ARL15: variants seen among roughly 807,000 people sequenced by gnomAD.
ARL15 encodes ARF like GTPase 15, also known as ADP-ribosylation factor-like protein 15.
ARL15 carries 19 observed loss-of-function variants against 25.2 expected under a neutral mutation model. The ratio of observed to expected loss-of-function variants is 0.75; its 90% CI spans 0.53 to 1.10. ARL15 has a LOEUF of 1.10. ARL15 is among the 50% of genes least tolerant of loss of function. The pLI is 0.00. For missense variants in ARL15, 220 were observed against 246.0 expected (o/e 0.89, Z 0.71); for synonymous variants, 94 against 86.8 (o/e 1.08, Z -0.46).
intron 4 of ARL15, among the ~76,000 whole-genome samples, chr5:53,892,666 A>G (rs1221143441): frequency 6.6e-6 from 1 of 151,766 alleles, no homozygotes; most frequent in African/African-American, 2.4e-5. Context: ...GCTGTGGCAC[A>G]ATCATAGCTC....
intron 1 of ARL15, among the ~76,000 whole-genome samples, chr5:54,276,073 G>A (rs1238349314): frequency 1.3e-5 from 2 of 152,006 alleles, no homozygotes; most frequent in Non-Finnish European, 2.9e-5. Flanking sequence ...ATTTTTATAT[G>A]AGAAACTTAT....
intron 4 of ARL15, among the ~76,000 whole-genome samples, chr5:54,093,728 T>C (rs1296522071): frequency 2.0e-5 from 3 of 151,668 alleles, no homozygotes; most frequent in Non-Finnish European, 2.9e-5. Context: ...ATCTGGGTTA[T>C]TAAACTTTTT....
At chr5:54,212,471 C>T (rs908566310) in intron 1 of ARL15, among the ~76,000 whole-genome samples, 11 of 152,026 alleles carry the variant, frequency 7.2e-5, no homozygotes, top group African/African-American at 2.2e-4. Flanking sequence ...TAGTCAGAAC[C>T]GAGCAACACA....
intron 4 of ARL15, among the ~76,000 whole-genome samples, chr5:54,081,215 T>C (rs1347591655): frequency 6.6e-6 from 1 of 152,204 alleles, no homozygotes; most frequent in African/African-American, 2.4e-5. Flanking sequence ...AGGATTTTTG[T>C]GTCAAGTTAT....
chr5:54,194,696 T>C (rs1346628360), intron 1 of ARL15, among the ~76,000 whole-genome samples: 1 of 151,808 alleles, frequency 6.6e-6, no homozygotes, highest in African/African-American at 2.4e-5. Flanking sequence ...AGGAGGGAGG[T>C]AACAGAAATG....
At chr5:54,299,877 G>A (rs935050157) in intron 1 of ARL15, among the ~76,000 whole-genome samples, 97 of 152,040 alleles carry the variant, frequency 6.4e-4, no homozygotes, top group African/African-American at 2.3e-3. Flanking sequence ...GTGAGCCACC[G>A]CACCTGGCCC....
At chr5:54,138,707 C>A (rs1402626268) in intron 3 of ARL15, among the ~76,000 whole-genome samples, 1 of 151,988 alleles carries the variant, frequency 6.6e-6, no homozygotes, top group African/African-American at 2.4e-5. Context: ...TTCTGCACAG[C>A]CGAAGAAATA....
chr5:54,174,084 A>G (rs1407556169), intron 1 of ARL15, among the ~76,000 whole-genome samples: 1 of 152,114 alleles, frequency 6.6e-6, no homozygotes, highest in Non-Finnish European at 1.5e-5. Flanking sequence ...GCAGTTTCTT[A>G]TTCATCACCA....
chr5:54,010,426 T>A (rs916679610), intron 4 of ARL15, among the ~76,000 whole-genome samples: 2 of 152,218 alleles, frequency 1.3e-5, no homozygotes, highest in Non-Finnish European at 2.9e-5. Flanking sequence ...CCACTGGAAT[T>A]ATCTAGAGAG....
intron 4 of ARL15, among the ~76,000 whole-genome samples, chr5:53,963,699 T>C (rs1020896054): frequency 1.3e-5 from 2 of 151,896 alleles, no homozygotes; most frequent in African/African-American, 2.4e-5. Context: ...TCCCAGCTTC[T>C]CGGGAGGCTG....
intron 3 of ARL15, among the ~76,000 whole-genome samples, chr5:54,117,737 G>A (rs1340521461): frequency 6.6e-6 from 1 of 152,084 alleles, no homozygotes; most frequent in Non-Finnish European, 1.5e-5. Flanking sequence ...AATTTCAACT[G>A]ACAAACTATG....
At chr5:53,890,846 C>T (rs1452875464) in intron 4 of ARL15, among the ~76,000 whole-genome samples, 2 of 152,332 alleles carry the variant, frequency 1.3e-5, no homozygotes, top group Admixed American at 1.3e-4. Flanking sequence ...TTTGTAGCAG[C>T]TGTTAAACCT....
At chr5:54,209,771 T>G (rs925903365) in intron 1 of ARL15, among the ~76,000 whole-genome samples, 1 of 152,208 alleles carries the variant, frequency 6.6e-6, no homozygotes, top group Admixed American at 6.5e-5. Context: ...GACTAATTTT[T>G]GAACAGTTAC....
intron 1 of ARL15, among the ~76,000 whole-genome samples, chr5:54,181,702 C>T (rs1250397745): frequency 6.6e-6 from 1 of 152,122 alleles, no homozygotes; most frequent in African/African-American, 2.4e-5. Flanking sequence ...AGGAGGTCAA[C>T]GGAGGAGGAT....
At chr5:53,922,483 A>G (rs1164911898) in intron 4 of ARL15, among the ~76,000 whole-genome samples, 1 of 152,022 alleles carries the variant, frequency 6.6e-6, no homozygotes, top group Admixed American at 6.6e-5. Flanking sequence ...AATGTTTAGT[A>G]CAAGAGGAAC....
At chr5:54,083,678 T>C (rs560683635) in intron 4 of ARL15, among the ~76,000 whole-genome samples, 43 of 152,284 alleles carry the variant, frequency 2.8e-4, no homozygotes, top group African/African-American at 9.9e-4. Flanking sequence ...TAGATGTAAA[T>C]GTTGGTTCTC....
chr5:54,236,066 A>C (rs1463677922), intron 1 of ARL15, among the ~76,000 whole-genome samples: 2 of 152,134 alleles, frequency 1.3e-5, no homozygotes, highest in African/African-American at 4.8e-5. Flanking sequence ...AAATTTTTTA[A>C]ATGGCTTTAT....
chr5:53,977,000 T>C (rs1017799031), intron 4 of ARL15, among the ~76,000 whole-genome samples: 2 of 152,150 alleles, frequency 1.3e-5, no homozygotes, highest in African/African-American at 4.8e-5. Flanking sequence ...AACAAAATAG[T>C]TTTGTTAACT....
intron 1 of ARL15, among the ~76,000 whole-genome samples, chr5:54,244,230 T>C (rs1444135240): frequency 2.6e-5 from 4 of 152,204 alleles, no homozygotes; most frequent in African/African-American, 9.6e-5. Flanking sequence ...AAACACCCAC[T>C]ACCTGTACTA....
Sources: allele counts gnomAD v4.1 joint callset (sites outside exome capture counted in the v4.1 genomes callset), GRCh38; gene constraint gnomAD v4.1.1; transcripts MANE v1.5; gene names NCBI Gene and HGNC (gene_info 2026-07-23, HGNC 2026-07-21).